MEMO1: variants seen among roughly 807,000 people sequenced by gnomAD.
MEMO1 encodes protein MEMO1.
Under a neutral mutation model 45.2 loss-of-function variants are expected in MEMO1, and 6 were observed. The ratio of observed to expected loss-of-function variants is 0.13; its 90% confidence interval spans 0.07 to 0.26. The LOEUF (loss-of-function observed/expected upper bound fraction) is 0.26, where lower values mean the gene tolerates loss of function less well. MEMO1 is among the 10% of genes least tolerant of loss of function. The pLI is 1.00. For missense variants in MEMO1, 184 were observed against 370.5 expected (o/e 0.50, Z 4.13); for synonymous variants, 78 against 124.3 (o/e 0.63, Z 2.48).
chr2:31,995,842 G>A (rs111540510), intron 2 of MEMO1, among the ~76,000 whole-genome samples: 90 of 152,028 alleles, frequency 5.9e-4, no homozygotes, highest in African/African-American at 2.1e-3. Context: ...ATAACAGCAG[G>A]AAAATGGTAA....
chr2:31,993,345 T>C (rs1053764086), intron 2 of MEMO1, among the ~76,000 whole-genome samples: 4 of 152,128 alleles, frequency 2.6e-5, no homozygotes, highest in Non-Finnish European at 4.4e-5. Context: ...TAAATATGCA[T>C]TGCATTATTT....
intron 2 of MEMO1, among the ~76,000 whole-genome samples, chr2:31,993,047 C>A (rs1672140739): frequency 6.6e-6 from 1 of 152,116 alleles, no homozygotes; most frequent in African/African-American, 2.4e-5. Flanking sequence ...GTGGCACATG[C>A]CTCTAGTCCC....
At chr2:31,987,650 G>A (rs1671432763) in intron 2 of MEMO1, among the ~76,000 whole-genome samples, 1 of 152,102 alleles carries the variant, frequency 6.6e-6, no homozygotes, top group African/African-American at 2.4e-5. Context: ...ATAGCTCTGG[G>A]TGTTGAAAAT....
At chr2:31,972,079 C>T (rs572352811) in intron 2 of MEMO1, among the ~76,000 whole-genome samples, 228 of 152,230 alleles carry the variant, frequency 1.5e-3, no homozygotes, top group African/African-American at 5.1e-3. Context: ...CAGAAAGGTG[C>T]AGACTAGGAA....
chr2:31,973,461 GA>G (rs942449512), intron 2 of MEMO1, among the ~76,000 whole-genome samples: 44 of 138,604 alleles, frequency 3.2e-4, no homozygotes, highest in Admixed American at 4.4e-4. Context: ...CTCGGGAAGA[GA>G]AAAAAAAAAA....
chr2:31,982,159 T>C (rs940923697), intron 2 of MEMO1, among the ~76,000 whole-genome samples: 6 of 151,730 alleles, frequency 4.0e-5, no homozygotes, highest in Non-Finnish European at 8.8e-5. Context: ...TAGCTGGGCT[T>C]GGTGGTGGGT....
chr2:31,884,137 T>C (rs1218601183), intron 7 of MEMO1, among the ~76,000 whole-genome samples: 1 of 152,114 alleles, frequency 6.6e-6, no homozygotes, highest in African/African-American at 2.4e-5. Flanking sequence ...ATGTTTTGGC[T>C]ATTCTCCAAA....
chr2:31,969,041 CTAATAA>C (rs1232301044), intron 2 of MEMO1, among the ~76,000 whole-genome samples: 6 of 151,702 alleles, frequency 4.0e-5, no homozygotes, highest in Admixed American at 6.6e-5. Flanking sequence ...ATTATTAATA[CTAATAA>C]TGTGATTTTA....
At chr2:32,004,489 T>C (rs1366155555) in intron 2 of MEMO1, among the ~76,000 whole-genome samples, 2 of 152,156 alleles carry the variant, frequency 1.3e-5, no homozygotes, top group Non-Finnish European at 2.9e-5. Context: ...CTACACACCC[T>C]TCCAGAATAA....
At chr2:31,922,211 G>C (rs912489709) in intron 4 of MEMO1, among the ~76,000 whole-genome samples, 9 of 152,116 alleles carry the variant, frequency 5.9e-5, no homozygotes, top group African/African-American at 2.2e-4. Flanking sequence ...GCCAGGGAAT[G>C]TGTGCTTTAG....
intron 2 of MEMO1, among the ~76,000 whole-genome samples, chr2:31,945,599 T>C (rs1666102099): frequency 6.6e-6 from 1 of 152,182 alleles, no homozygotes; most frequent in African/African-American, 2.4e-5. Context: ...TGTATGTAAA[T>C]CTTTGTAAAA....
intron 2 of MEMO1, among the ~76,000 whole-genome samples, chr2:31,974,854 A>G (rs893726608): frequency 3.3e-5 from 5 of 152,146 alleles, no homozygotes; most frequent in African/African-American, 9.7e-5. Flanking sequence ...TTCTTAAGCC[A>G]TAAGAGGAAT....
intron 2 of MEMO1, among the ~76,000 whole-genome samples, chr2:32,000,693 T>C (rs1673190618): frequency 6.6e-6 from 1 of 152,134 alleles, no homozygotes; most frequent in Non-Finnish European, 1.5e-5. Flanking sequence ...TGCTATTTAA[T>C]ATTGCAGCCT....
intron 6 of MEMO1, among the ~76,000 whole-genome samples, chr2:31,912,572 AAAGAT>A (rs928361496): frequency 1.3e-5 from 2 of 151,856 alleles, no homozygotes; most frequent in African/African-American, 4.8e-5. Flanking sequence ...TTTCAATATT[AAAGAT>A]AATATATGGT....
chr2:31,950,199 G>A (rs914059768), intron 2 of MEMO1, among the ~76,000 whole-genome samples: 1 of 151,812 alleles, frequency 6.6e-6, no homozygotes, highest in Non-Finnish European at 1.5e-5. Flanking sequence ...TGGCCAACAT[G>A]GCAAAACCCT....
rs774611809 is a variant in MEMO1, at chr2:31,969,589, GTGTGTGT to G, written c.62-26213_62-26207del. Among the ~76,000 whole-genome samples the G allele has an allele frequency of 7.9e-3, 343 of 43,542 alleles. 1 individual carries two copies. Among genetic ancestry groups the G allele is most frequent in the Middle Eastern group, 0.04 (4 of 100 alleles). 28.6% of individuals were successfully genotyped at this position (43,542 alleles called of 152,430 possible). ...CTTTTCTGGGGGTGTGTGTGTGGGT[GTGTGTGT>G]GTGTGTGTGTGTGTGTGTGTGTGTG... On this transcript the variant is annotated intron_variant, in intron 2 of 9. Transcript: ENST00000404530.
At chr2:31,982,588 CAAAAA>C (rs60208602) in intron 2 of MEMO1, among the ~76,000 whole-genome samples, 1 of 70,100 alleles carries the variant, frequency 1.4e-5, no homozygotes. Context: ...GACTCCGTCT[CAAAAA>C]AAAAAAAAAA....
chr2:31,992,446 A>T (rs966930108), intron 2 of MEMO1, among the ~76,000 whole-genome samples: 31 of 152,204 alleles, frequency 2.0e-4, no homozygotes, highest in Non-Finnish European at 2.5e-4. Flanking sequence ...CTCAAATCTC[A>T]TATCACAATA....
chr2:31,910,924 C>G (rs959162170), intron 6 of MEMO1, among the ~76,000 whole-genome samples: 4 of 150,630 alleles, frequency 2.7e-5, no homozygotes, highest in African/African-American at 7.3e-5. Flanking sequence ...AACTAAAAGA[C>G]AGTAATAAAA....
Sources: allele counts gnomAD v4.1 joint callset (sites outside exome capture counted in the v4.1 genomes callset), GRCh38; gene constraint gnomAD v4.1.1; transcripts MANE v1.5; gene names NCBI Gene and HGNC (gene_info 2026-07-23, HGNC 2026-07-21).